Variants in NAV2 observed in about 807,000 individuals in gnomAD.
NAV2 encodes the protein helicase, APC down-regulated 1.
NAV2 carries 54 observed loss-of-function variants against 223.2 expected under a neutral mutation model. The observed-to-expected ratio is 0.24, with a 90% CI of 0.19 to 0.30. The LOEUF is 0.30. Ranked by LOEUF, NAV2 falls within the 10% of genes least tolerant of loss-of-function variation. NAV2 has a pLI of 1.00. For missense variants in NAV2, 2,806 were observed against 3,147.5 expected (o/e 0.89, Z 2.60); for synonymous variants, 1,279 against 1,239.3 (o/e 1.03, Z -0.67).
At position 20,068,418 on chromosome 11, in the gene NAV2, A is replaced by G; in HGVS notation, c.4983+20A>G. ...GCAAATGTAAGTACAGACATAGGGC[A>G]GTAGCATCGGGACAGGAAGCACCAT... On this transcript the variant is annotated intron_variant, in intron 22 of 37. Coordinates refer to ENST00000349880, the MANE Select transcript of NAV2 (RefSeq NM_145117.5). 6.3e-7 allele frequency: 1 copy of G among 1,598,944 alleles called. No individual in the cohort carries two copies. The highest frequency in any genetic ancestry group is 8.6e-7 in the Non-Finnish European group (1 of 1,166,348).
intron 1 of NAV2, among the ~76,000 whole-genome samples, chr11:19,777,098 C>T (rs1268980592): frequency 6.6e-6 from 1 of 150,812 alleles, no homozygotes; most frequent in Non-Finnish European, 1.5e-5. Context: ...CGCCGACCCC[C>T]CCCCCCACCC....
intron 1 of NAV2, among the ~76,000 whole-genome samples, chr11:19,391,204 C>T (rs540584103): frequency 6.6e-5 from 10 of 152,110 alleles, no homozygotes; most frequent in Non-Finnish European, 1.2e-4. Flanking sequence ...TACCACTCAC[C>T]TCCAAGGGGC....
At chr11:20,011,690 AAATGAGAG>A (rs2053573066) in intron 11 of NAV2, among the ~76,000 whole-genome samples, 1 of 152,244 alleles carries the variant, frequency 6.6e-6, no homozygotes. Context: ...AGCCTCTAAA[AAATGAGAG>A]ATGTTTTATA....
intron 22 of NAV2, among the ~76,000 whole-genome samples, chr11:20,074,773 T>TTTTTTTTTTTTTTG (rs2059618224): frequency 6.9e-6 from 1 of 145,914 alleles, no homozygotes; most frequent in Non-Finnish European, 1.5e-5. Flanking sequence ...TTTTTTTTTT[T>TTTTTTTTTTTTTTG]TTTGCTTTCC....
At chr11:19,695,036 C>T (rs534184598) in intron 1 of NAV2, among the ~76,000 whole-genome samples, 1 of 152,356 alleles carries the variant, frequency 6.6e-6, no homozygotes, top group South Asian at 2.1e-4. Context: ...GCTGCCACCA[C>T]TTGGCTTGGA....
At chr11:19,843,170 A>G (rs1210196325) in intron 3 of NAV2, among the ~76,000 whole-genome samples, 2 of 152,166 alleles carry the variant, frequency 1.3e-5, no homozygotes, top group Non-Finnish European at 2.9e-5. Context: ...TTGTTCTTAG[A>G]CACAAATTAT....
chr11:19,845,179 T>C (rs1321666991), intron 3 of NAV2, among the ~76,000 whole-genome samples: 2 of 152,200 alleles, frequency 1.3e-5, no homozygotes, highest in Admixed American at 6.5e-5. Context: ...CAAGCATATA[T>C]AGAGTTAAAG....
intron 8 of NAV2, among the ~76,000 whole-genome samples, chr11:19,944,944 C>A (rs1209498684): frequency 6.8e-6 from 1 of 146,802 alleles, no homozygotes; most frequent in African/African-American, 2.5e-5. Context: ...TCCCCTTTCC[C>A]CTTTCCTCTT....
At chr11:19,873,956 G>A (rs951478006) in intron 4 of NAV2, among the ~76,000 whole-genome samples, 1 of 152,134 alleles carries the variant, frequency 6.6e-6, no homozygotes, top group Admixed American at 6.5e-5. Context: ...TTAATCAGCT[G>A]GGTAAACCTC....
chr11:19,688,451 G>A (rs1480970089), intron 1 of NAV2, among the ~76,000 whole-genome samples: 1 of 152,160 alleles, frequency 6.6e-6, no homozygotes, highest in Admixed American at 6.5e-5. Context: ...ACAAACCATA[G>A]GGAAAACCTG....
chr11:19,973,084 A>G (rs1125498), intron 10 of NAV2, among the ~76,000 whole-genome samples: 16,137 of 152,176 alleles, frequency 0.11, 2,805 homozygotes, highest in African/African-American at 0.36. Flanking sequence ...CATTCTGTCT[A>G]TTCTCAGTAC....
At chr11:20,095,521 C>CCTGTATAGTCTTACACCTGTATAACTTA (rs2061190256) in intron 29 of NAV2, 151 bp from the exon 30 acceptor site, 1 of 627,072 alleles carries the variant, frequency 1.6e-6, no homozygotes, top group Admixed American at 2.8e-5. Flanking sequence ...ACTATTACTT[C>CCTGTATAGTCTTACACCTGTATAACTTA]CACCTAAGTT....
In NAV2 at chr11:20,121,062, G is replaced by A. The variant is rs896228770; in HGVS notation, c.*2804G>A. 1.3e-5 allele frequency: 2 copies of A among 152,338 alleles called. No homozygotes were observed. Among genetic ancestry groups the A allele is most frequent in the African/African-American group, 4.8e-5 (2 of 41,426 alleles). 9.4% of individuals were successfully genotyped at this position (152,338 alleles called of 1,614,324 possible). Reference sequence around the variant, plus strand: ...GTTTCATTAGGGGTGGGGTGGGAGTGGGACAGGAACAAGACTTGCCTAGAT... The same window carrying A: ...GTTTCATTAGGGGTGGGGTGGGAGTAGGACAGGAACAAGACTTGCCTAGAT... On this transcript the variant is annotated 3_prime_UTR_variant, in exon 38 of 38. Coordinates refer to ENST00000349880, the MANE Select transcript of NAV2 (RefSeq NM_145117.5).
chr11:19,602,362 G>C (rs1641245571), intron 1 of NAV2, among the ~76,000 whole-genome samples: 1 of 151,926 alleles, frequency 6.6e-6, no homozygotes, highest in Non-Finnish European at 1.5e-5. Flanking sequence ...ATTTTTAGTA[G>C]AGATGGGGTT....
At chr11:19,824,916 C>A (rs559346432) in intron 1 of NAV2, among the ~76,000 whole-genome samples, 1 of 152,280 alleles carries the variant, frequency 6.6e-6, no homozygotes, top group East Asian at 1.9e-4. Flanking sequence ...AATGAACACT[C>A]TACTATTGTT....
Position 20,107,057 on chromosome 11 carries a change from ATTTTTTTTTTTTTTTTTTT to A in NAV2, c.6842-587_6842-569del, listed in dbSNP as rs10590815. ...TTTGGACTTGCAGTCATGGGCTTCC[ATTTTTTTTTTTTTTTTTTT>A]TTTTTTTTTTTTTTTTTTTAGGACG... On this transcript the variant is annotated intron_variant, in intron 35 of 37. Coordinates refer to ENST00000349880, the MANE Select transcript of NAV2 (RefSeq NM_145117.5). 3.9e-3 allele frequency among the ~76,000 whole-genome samples: 107 copies of A among 27,254 alleles called. 1 individual carries two copies. The highest frequency in any genetic ancestry group is 0.014 in the African/African-American group (101 of 7,388). 17.9% of individuals were successfully genotyped at this position (27,254 alleles called of 152,430 possible). A position where few individuals can be genotyped will look rare whatever the true frequency, so the allele number is the denominator to read the frequency against.
At chr11:19,893,595 C>T (rs2041693491) in intron 6 of NAV2, among the ~76,000 whole-genome samples, 1 of 152,172 alleles carries the variant, frequency 6.6e-6, no homozygotes, top group South Asian at 2.1e-4. Flanking sequence ...CTGAGTTCCC[C>T]CAAGAGTTTG....
intron 22 of NAV2, among the ~76,000 whole-genome samples, chr11:20,070,782 A>G (rs2059350897): frequency 6.6e-6 from 1 of 152,072 alleles, no homozygotes; most frequent in South Asian, 2.1e-4. Context: ...GCTCTGAACC[A>G]GGCTTGGAAC....
intron 1 of NAV2, among the ~76,000 whole-genome samples, chr11:19,538,953 G>A (rs867692108): frequency 2.8e-4 from 42 of 151,694 alleles, no homozygotes; most frequent in Middle Eastern, 3.4e-3. Flanking sequence ...ACTTTGTCTT[G>A]TTCAATACAA....
Sources: gnomAD v4.1 joint callset for allele counts (sites outside exome capture counted in the v4.1 genomes callset) on GRCh38, gnomAD v4.1.1 for gene constraint, MANE v1.5 for transcripts, NCBI Gene and HGNC (gene_info 2026-07-23, HGNC 2026-07-21) for gene names.